PATL1: variants seen among roughly 807,000 people sequenced by gnomAD.
PATL1 encodes PAT1 homolog 1, processing body mRNA decay factor.
A neutral mutation model predicts 100.6 loss-of-function variants in PATL1; 32 were observed. That is an observed-to-expected ratio of 0.32 (90% confidence interval 0.24 to 0.43). The LOEUF (loss-of-function observed/expected upper bound fraction) is 0.43. Ranked by LOEUF, PATL1 falls within the 20% of genes least tolerant of loss-of-function variation. The pLI is 1.00. For synonymous variants in PATL1, 332 were observed against 330.0 expected (o/e 1.01, Z -0.07); for missense variants, 747 against 949.9 (o/e 0.79, Z 2.81).
At chr11:59,658,189 A>C (rs1283844892) in intron 4 of PATL1, among the ~76,000 whole-genome samples, 4 of 151,568 alleles carry the variant, frequency 2.6e-5, no homozygotes, top group African/African-American at 9.7e-5. Flanking sequence ...AAAGAAAGAG[A>C]GAGCAAGAAC....
chr11:59,640,953 C>T (rs1861269173), intron 16 of PATL1, among the ~76,000 whole-genome samples: 2 of 152,066 alleles, frequency 1.3e-5, no homozygotes, highest in South Asian at 2.1e-4. Context: ...AGGTGGATCA[C>T]GTGAGGTCAG....
intron 5 of PATL1, chr11:59,656,931 A>G (rs1477301160): frequency 6.0e-6 from 2 of 333,576 alleles, no homozygotes; most frequent in Non-Finnish European, 8.5e-6. Context: ...AGAAGGAATG[A>G]TAAGAAAGCT....
chr11:59,654,869 G>A (rs1861503752), intron 8 of PATL1, among the ~76,000 whole-genome samples: 1 of 152,130 alleles, frequency 6.6e-6, no homozygotes, highest in Non-Finnish European at 1.5e-5. Flanking sequence ...CAATAATGTG[G>A]GTGGAGCTCA....
At chr11:59,664,084 T>C (rs996399543) in intron 2 of PATL1, among the ~76,000 whole-genome samples, 2 of 152,198 alleles carry the variant, frequency 1.3e-5, no homozygotes, top group East Asian at 1.9e-4. Flanking sequence ...ATAAACTTTC[T>C]TGGCCAAAAA....
chr11:59,645,063 T>C (rs1411986809), intron 15 of PATL1, among the ~76,000 whole-genome samples: 3 of 144,256 alleles, frequency 2.1e-5, no homozygotes, highest in East Asian at 2.1e-4. Context: ...CCTGAGTGGA[T>C]ACAGCACATG....
intron 15 of PATL1, among the ~76,000 whole-genome samples, chr11:59,646,367 G>C (rs1861366337): frequency 7.2e-6 from 1 of 138,146 alleles, no homozygotes; most frequent in Non-Finnish European, 1.5e-5. Flanking sequence ...TCTATTTTTA[G>C]TAGGGACAGT....
intron 4 of PATL1, 71 bp downstream of exon 4, chr11:59,658,795 G>T: frequency 8.4e-7 from 1 of 1,188,874 alleles, no homozygotes; most frequent in Non-Finnish European, 1.2e-6. Context: ...CTTCAGTAAG[G>T]AAAGGATGAC....
At chr11:59,653,113 T>C in intron 9 of PATL1, 95 bp from the exon 10 acceptor site, 1 of 1,131,898 alleles carries the variant, frequency 8.8e-7, no homozygotes. Flanking sequence ...TTTTTTTTTT[T>C]TAAAGATTCC....
chr11:59,649,156 G>T (rs925369499), intron 14 of PATL1, among the ~76,000 whole-genome samples: 3 of 152,190 alleles, frequency 2.0e-5, no homozygotes, highest in African/African-American at 7.2e-5. Flanking sequence ...TAAATCAGGT[G>T]CAATCTGTAA....
At chr11:59,668,300 C>T (rs1410755485) in intron 1 of PATL1, among the ~76,000 whole-genome samples, 1 of 152,174 alleles carries the variant, frequency 6.6e-6, no homozygotes, top group Non-Finnish European at 1.5e-5. Context: ...TCCAAACCCG[C>T]GTCTCCCAGC....
At chr11:59,668,854 G>A (rs1275085683) in intron 1 of PATL1, 27 bp downstream of exon 1, 4 of 1,319,052 alleles carry the variant, frequency 3.0e-6, no homozygotes, top group Non-Finnish European at 4.1e-6. Flanking sequence ...AGGGAGGGAG[G>A]GGTCACTTCC....
At chr11:59,661,300 G>T (rs1475877242) in intron 2 of PATL1, among the ~76,000 whole-genome samples, 3 of 152,086 alleles carry the variant, frequency 2.0e-5, no homozygotes, top group African/African-American at 4.8e-5. Context: ...TGCCCAGACT[G>T]GTCTTAAGCT....
At chr11:59,645,878 C>T (rs1861357759) in intron 15 of PATL1, among the ~76,000 whole-genome samples, 1 of 152,026 alleles carries the variant, frequency 6.6e-6, no homozygotes, top group Non-Finnish European at 1.5e-5. Context: ...ATGATTCAGA[C>T]CTAGAACCAG....
rs759975815 is a variant in PATL1, at chr11:59,652,476, C to G, written c.1414G>C (p.Ala472Pro). 6.2e-7 allele frequency: 1 copy of G among 1,613,192 alleles called. No homozygotes were observed. The highest frequency in any genetic ancestry group is 8.5e-7 in the Non-Finnish European group (1 of 1,179,596). ...ITPQVAKLEH[A>P]YKPVQFEGSL... ...ATGAGGACCTTACCTGGCTTATAGGCGTGCTCCAGTTTGGCCACCTGAGGG... is the reference window on the plus strand; with the variant it reads ...ATGAGGACCTTACCTGGCTTATAGGGGTGCTCCAGTTTGGCCACCTGAGGG... The change falls in exon 11 of 19, where the codon GCC becomes CCC. Residue 472 changes from alanine to proline, a missense_variant. By Grantham distance (27) the Ala-to-Pro change is conservative (BLOSUM62 -1). Coordinates refer to ENST00000300146, the MANE Select transcript of PATL1 (RefSeq NM_152716.3).
intron 5 of PATL1, among the ~76,000 whole-genome samples, chr11:59,657,306 A>G (rs1158014826): frequency 6.6e-6 from 1 of 152,142 alleles, no homozygotes; most frequent in Non-Finnish European, 1.5e-5. Flanking sequence ...GTGGCTAACT[A>G]CCCTTTTTTC....
intron 13 of PATL1, 135 bp from the exon 14 acceptor site, chr11:59,649,745 G>A: frequency 1.1e-6 from 1 of 911,008 alleles, no homozygotes; most frequent in Non-Finnish European, 1.6e-6. Flanking sequence ...TTTTTTTAAT[G>A]TAGAAAACCA....
chr11:59,649,613 A>G lies in PATL1; in HGVS notation c.1585-3T>C, dbSNP rs1455138937. ...ACATCAAGGAGTAAGCTGTAGGTCT[A>G]AGAAGGGAGACAAAAGCAGGCCACA... On this transcript the variant is annotated splice_polypyrimidine_tract_variant and splice_region_variant and intron_variant, in intron 13 of 18. Transcript: ENST00000300146. The G allele has an allele frequency of 2.8e-5, 45 of 1,611,014 alleles. No homozygotes were observed. The highest frequency in any genetic ancestry group is 3.8e-5 in the Non-Finnish European group (45 of 1,178,564).
At chr11:59,657,777 T>C in intron 4 of PATL1, 53 bp from the exon 5 acceptor site, 1 of 1,413,766 alleles carries the variant, frequency 7.1e-7, no homozygotes, top group South Asian at 1.5e-5. Flanking sequence ...TGGTATGTTT[T>C]AGTAATCTCT....
intron 11 of PATL1, among the ~76,000 whole-genome samples, chr11:59,652,106 T>G (rs1861456399): frequency 1.8e-5 from 2 of 109,648 alleles, no homozygotes; most frequent in South Asian, 6.6e-4. Flanking sequence ...AAAAAATCAA[T>G]GTATTATTTA....
Sources: allele counts gnomAD v4.1 joint callset (sites outside exome capture counted in the v4.1 genomes callset), GRCh38; gene constraint gnomAD v4.1.1; transcripts MANE v1.5; gene names NCBI Gene and HGNC (gene_info 2026-07-23, HGNC 2026-07-21).